The following CCNH variants were observed in gnomAD, a reference collection of about 807,000 sequenced individuals.
CCNH encodes the protein cyclin H.
A neutral mutation model predicts 41.9 loss-of-function variants in CCNH; 31 were observed. That is an observed-to-expected ratio of 0.74 (90% CI 0.56 to 1.00). The LOEUF (loss-of-function observed/expected upper bound fraction) is 1.00, where lower values mean the gene tolerates loss of function less well. Among genes scored for constraint, CCNH ranks in the 50% least tolerant of loss-of-function variants. The pLI is 0.00. For missense variants in CCNH, 362 were observed against 388.4 expected, an observed-to-expected ratio of 0.93 and a Z score of 0.57; for synonymous variants, 138 against 136.1, an observed-to-expected ratio of 1.01 and a Z score of -0.10.
chr5:87,390,780 A>C, downstream of CCNH: 1 of 1,591,862 alleles, frequency 6.3e-7, no homozygotes, highest in Non-Finnish European at 8.6e-7. Flanking sequence ...TTATTTTCAT[A>C]CCATTTTTCC....
chr5:87,346,068 C>T (rs959995900), intron 9 of CCNH, among the ~76,000 whole-genome samples: 1 of 151,970 alleles, frequency 6.6e-6, no homozygotes. Flanking sequence ...TTTCTAAAGG[C>T]TTAATTTAAG....
chr5:87,355,426 C>T (rs991078548), intron 9 of CCNH, among the ~76,000 whole-genome samples: 1 of 152,148 alleles, frequency 6.6e-6, no homozygotes, highest in Non-Finnish European at 1.5e-5. Flanking sequence ...TGCATGATAG[C>T]CCATCTGTTT....
intron 9 of CCNH, chr5:87,346,579 G>C: frequency 1.4e-6 from 1 of 715,734 alleles, no homozygotes; most frequent in Non-Finnish European, 2.3e-6. Flanking sequence ...TTATCACTTT[G>C]AATTAAACTT....
At chr5:87,313,970 C>G (rs1756120555), downstream of CCNH, among the ~76,000 whole-genome samples, 1 of 151,822 alleles carries the variant, frequency 6.6e-6, no homozygotes, top group South Asian at 2.1e-4. Flanking sequence ...GAGTTTGAGA[C>G]TACCCTGACC....
rs985936234 is a variant in CCNH at position 87,333,455 on chromosome 5, G to T, written c.*91-14558C>A. The T allele has an allele frequency of 4.8e-6, 7 of 1,469,706 alleles. No homozygotes were observed. The African/African-American group carries it at 1.0e-4, about 21-fold the overall frequency. 91.0% of individuals were successfully genotyped at this position (1,469,706 alleles called of 1,614,324 possible). ...AGAAATGGCATACAGCAAGGTGAAA[G>T]AGCTTTTGATATTGGGTCTGTTGGT... On this transcript the variant is annotated intron_variant and NMD_transcript_variant, in intron 9 of 9. Coordinates refer to the CCNH transcript ENST00000645953.
At chr5:87,376,043 C>T (rs1003596829), downstream of CCNH, among the ~76,000 whole-genome samples, 3 of 152,158 alleles carry the variant, frequency 2.0e-5, no homozygotes, top group Non-Finnish European at 4.4e-5. Context: ...TTCACCTCCA[C>T]AGGCTGAATT....
At chr5:87,409,508 A>C in intron 2 of CCNH, 145 bp from the exon 3 acceptor site, 1 of 550,802 alleles carries the variant, frequency 1.8e-6, no homozygotes, top group Non-Finnish European at 3.2e-6. Flanking sequence ...TCTTTAATCA[A>C]AACAAATTGT....
At chr5:87,385,880 C>A (rs930001974) in intron 9 of CCNH, among the ~76,000 whole-genome samples, 6 of 151,986 alleles carry the variant, frequency 3.9e-5, no homozygotes, top group Non-Finnish European at 7.4e-5. Flanking sequence ...TTTCACTATT[C>A]TTAATAATGG....
intron 9 of CCNH, among the ~76,000 whole-genome samples, chr5:87,361,931 T>C (rs1031556383): frequency 3.9e-5 from 6 of 152,088 alleles, no homozygotes; most frequent in African/African-American, 1.4e-4. Context: ...GAAATGGCCA[T>C]TGGTAGAGTT....
intron 9 of CCNH, chr5:87,383,911 C>G: frequency 1.3e-6 from 1 of 784,584 alleles, no homozygotes; most frequent in East Asian, 2.7e-5. Context: ...ATGAAGTATT[C>G]CAAAGCACCC....
At chr5:87,340,906 C>A (rs1301183934) in intron 9 of CCNH, among the ~76,000 whole-genome samples, 1 of 151,742 alleles carries the variant, frequency 6.6e-6, no homozygotes, top group Non-Finnish European at 1.5e-5. Context: ...GACTTGAGTC[C>A]TGTGGTAAAC....
At chr5:87,387,877 A>G (rs935238185), downstream of CCNH, among the ~76,000 whole-genome samples, 3 of 152,290 alleles carry the variant, frequency 2.0e-5, no homozygotes, top group Non-Finnish European at 2.9e-5. Context: ...ATCATTGGAA[A>G]ATATTTTTAC....
chr5:87,330,323 T>C (rs113285354), intron 9 of CCNH, among the ~76,000 whole-genome samples: 2 of 152,212 alleles, frequency 1.3e-5, no homozygotes, highest in African/African-American at 2.4e-5. Flanking sequence ...ATATATTATA[T>C]AAAATACATA....
intron 9 of CCNH, chr5:87,331,148 A>G: frequency 1.1e-6 from 1 of 875,638 alleles, no homozygotes; most frequent in Non-Finnish European, 1.8e-6. Flanking sequence ...CTTTTAGAAC[A>G]AATTAAAGAC....
intron 9 of CCNH, chr5:87,353,085 A>G: frequency 8.1e-7 from 1 of 1,228,894 alleles, no homozygotes; most frequent in Non-Finnish European, 1.2e-6. Flanking sequence ...TTGGCAAGAA[A>G]GTTTACACAT....
chr5:87,390,952 C>T, downstream of CCNH: 3 of 1,462,938 alleles, frequency 2.1e-6, no homozygotes, highest in Admixed American at 1.7e-5. Context: ...AGTTTAATGT[C>T]TCCTTTGCTC....
At chr5:87,395,141 C>T in intron 7 of CCNH, 37 bp from the exon 8 acceptor site, 3 of 1,577,192 alleles carry the variant, frequency 1.9e-6, no homozygotes, top group Middle Eastern at 1.7e-4. Flanking sequence ...AATCCAATAC[C>T]AGCCACAGAA....
chr5:87,373,409 T>C (rs537607970), downstream of CCNH, among the ~76,000 whole-genome samples: 8 of 152,264 alleles, frequency 5.3e-5, no homozygotes, highest in African/African-American at 1.9e-4. Flanking sequence ...CTTGAGCATC[T>C]TGGGCTTCGT....
At chr5:87,314,687 G>C (rs1180131090), downstream of CCNH, among the ~76,000 whole-genome samples, 5 of 152,116 alleles carry the variant, frequency 3.3e-5, no homozygotes, top group African/African-American at 4.8e-5. Context: ...TGAGAAACAG[G>C]AGAGAGAGGA....
Sources: gnomAD v4.1 joint callset for allele counts (sites outside exome capture counted in the v4.1 genomes callset) on GRCh38, gnomAD v4.1.1 for gene constraint, MANE v1.5 for transcripts, NCBI Gene and HGNC (gene_info 2026-07-23, HGNC 2026-07-21) for gene names.